Variants in CLIP2 observed in about 807,000 individuals in gnomAD.
CLIP2 encodes the protein CAP-Gly domain containing linker protein 2.
A neutral mutation model predicts 111.7 loss-of-function variants in CLIP2; 41 were observed. That is an observed-to-expected ratio of 0.37 (90% CI 0.29 to 0.48). CLIP2 has a LOEUF of 0.48. Ranked by LOEUF, CLIP2 falls within the 20% of genes least tolerant of loss-of-function variation. CLIP2 has a pLI of 0.99. For synonymous variants in CLIP2, 660 were observed against 644.2 expected, an observed-to-expected ratio of 1.02 and a Z score of -0.37; for missense variants, 1,160 against 1,422.1, an observed-to-expected ratio of 0.82 and a Z score of 2.96.
chr7:74,340,705 T>C (rs145790343), intron 3 of CLIP2, among the ~76,000 whole-genome samples: 46 of 152,212 alleles, frequency 3.0e-4, no homozygotes, highest in African/African-American at 1.1e-3. Context: ...TGTGGTGGCC[T>C]TGGGCTAACC....
At position 74,373,008 on chromosome 7, in the gene CLIP2, G is replaced by T; in HGVS notation, c.1457G>T (p.Arg486Leu). The change falls in exon 9 of 17, where the codon CGG becomes CTG. Residue 486 changes from arginine to leucine, a missense_variant. Arg to Leu is a moderately radical substitution (Grantham distance 102, BLOSUM62 -2). Transcript: ENST00000223398. Reference sequence around the variant, plus strand: ...CTACTGGAGAAGGCGCAGGCCGAGCGGCTGCTCCGAGAATTAGCGGACAAC... The same window carrying T: ...CTACTGGAGAAGGCGCAGGCCGAGCTGCTGCTCCGAGAATTAGCGGACAAC... ...SLLLEKAQAE[R>L]LLRELADNRL... The T allele has an allele frequency of 6.3e-7, 1 of 1,592,352 alleles. No homozygotes were observed. The highest frequency in any genetic ancestry group is 8.5e-7 in the Non-Finnish European group (1 of 1,171,528).
chr7:74,351,934 G>T (rs1347654589), intron 3 of CLIP2, among the ~76,000 whole-genome samples: 2 of 152,184 alleles, frequency 1.3e-5, no homozygotes, highest in African/African-American at 2.4e-5. Flanking sequence ...ACAGGAGCAA[G>T]CCCAGGACAG....
At chr7:74,398,989 T>A (rs1791538044) in intron 14 of CLIP2, among the ~76,000 whole-genome samples, 1 of 151,768 alleles carries the variant, frequency 6.6e-6, no homozygotes, top group African/African-American at 2.4e-5. Context: ...TGTCTCATCA[T>A]CTCCCTGCAC....
Position 74,353,987 on chromosome 7 carries a change from G to T in CLIP2, c.786G>T (p.Gly262=). ...ELDEPLGKND[G]AVAGTRYFQC... ...ACGAGCCCCTTGGGAAGAATGATGG[G>T]GCGGTGGCGGGCACCAGGTATGGTG... Residue 262 remains glycine (G), a synonymous_variant, in exon 4 of 17, where the codon GGG becomes GGT. Transcript: ENST00000223398. The T allele has an allele frequency of 6.2e-7, 1 of 1,612,996 alleles. No homozygotes were observed. Among genetic ancestry groups the T allele is most frequent in the South Asian group, 1.1e-5 (1 of 91,000 alleles).
At position 74,404,130 on chromosome 7, in the gene CLIP2, T is replaced by A; in HGVS notation, c.*282T>A. On this transcript the variant is annotated 3_prime_UTR_variant, in exon 17 of 17. Transcript: ENST00000223398. ...CCCGGCAGCTTCTGGAGTTTGTCAGTGGAGGCAGAGGGGATCCGGCCAGGC... is the reference window on the plus strand; with the variant it reads ...CCCGGCAGCTTCTGGAGTTTGTCAGAGGAGGCAGAGGGGATCCGGCCAGGC... The A allele has an allele frequency of 2.2e-6, 1 of 464,798 alleles. No individual in the cohort carries two copies. Among genetic ancestry groups the A allele is most frequent in the Non-Finnish European group, 4.0e-6 (1 of 250,604 alleles). The allele number at this position is 464,798 out of a possible 1,614,324, so 28.8% of individuals were successfully genotyped here. A position where few individuals can be genotyped will look rare whatever the true frequency, so the allele number is the denominator to read the frequency against.
chr7:74,401,736 C>A (rs1436856579), intron 16 of CLIP2, 169 bp downstream of exon 16: 3 of 738,290 alleles, frequency 4.1e-6, no homozygotes, highest in Non-Finnish European at 4.8e-6. Flanking sequence ...TCCAGATTCA[C>A]CCTGCTCTTT....
chr7:74,321,539 G>A (rs1235617997), intron 2 of CLIP2, among the ~76,000 whole-genome samples: 1 of 151,376 alleles, frequency 6.6e-6, no homozygotes, highest in Non-Finnish European at 1.5e-5. Context: ...GTGCGATCTC[G>A]GCTCACTGCA....
At chr7:74,383,346 T>G (rs1219023041) in intron 11 of CLIP2, among the ~76,000 whole-genome samples, 1 of 152,220 alleles carries the variant, frequency 6.6e-6, no homozygotes, top group Non-Finnish European at 1.5e-5. Flanking sequence ...TTAAATTCAC[T>G]TATGTAATTG....
chr7:74,387,876 A>T (rs1481518907), intron 12 of CLIP2, among the ~76,000 whole-genome samples: 1 of 152,172 alleles, frequency 6.6e-6, no homozygotes, highest in Non-Finnish European at 1.5e-5. Context: ...GACAACTGAG[A>T]CCAATGGTGC....
At chr7:74,322,954 C>T (rs982493614) in intron 2 of CLIP2, among the ~76,000 whole-genome samples, 1 of 152,012 alleles carries the variant, frequency 6.6e-6, no homozygotes, top group African/African-American at 2.4e-5. Flanking sequence ...TGGTCTTGAT[C>T]TTCTGACCTT....
In CLIP2 at chr7:74,359,562, A is replaced by G. The variant is rs528450278; in HGVS notation, c.1216-613A>G. On this transcript the variant is annotated intron_variant, in intron 6 of 16. Coordinates refer to ENST00000223398, the MANE Select transcript of CLIP2 (RefSeq NM_003388.5). ...AGTAGAGATGGGGTTTCACCATGTT[A>G]GCCAGGATGGTCTCAATCTCCTGAC... is the stretch of plus-strand genomic sequence containing the variant. 9.0e-4 allele frequency among the ~76,000 whole-genome samples: 136 copies of G among 151,848 alleles called. 1 individual carries two copies. Among genetic ancestry groups the G allele is most frequent in the African/African-American group, 1.6e-3 (67 of 41,428 alleles).
intron 2 of CLIP2, among the ~76,000 whole-genome samples, chr7:74,318,247 C>T (rs1166572128): frequency 1.3e-5 from 2 of 151,844 alleles, no homozygotes; most frequent in African/African-American, 2.4e-5. Flanking sequence ...AGGGAGAGAG[C>T]GTGGGGGTGG....
chr7:74,334,996 T>C (rs1789408497), intron 2 of CLIP2, among the ~76,000 whole-genome samples: 1 of 150,806 alleles, frequency 6.6e-6, no homozygotes, highest in South Asian at 2.1e-4. Context: ...AGTGAGACTC[T>C]GTCTCAAAAA....
At chr7:74,308,995 G>A (rs1369367182) in intron 1 of CLIP2, among the ~76,000 whole-genome samples, 1 of 151,948 alleles carries the variant, frequency 6.6e-6, no homozygotes, top group Non-Finnish European at 1.5e-5. Flanking sequence ...AGCCTCCCCA[G>A]TAGCTCGGAC....
At chr7:74,360,926 G>T (rs1477675021) in intron 7 of CLIP2, among the ~76,000 whole-genome samples, 1 of 152,068 alleles carries the variant, frequency 6.6e-6, no homozygotes, top group Non-Finnish European at 1.5e-5. Context: ...TAGGCTGGGG[G>T]TGGTGGAAGG....
intron 13 of CLIP2, among the ~76,000 whole-genome samples, chr7:74,393,561 C>T (rs1791356227): frequency 6.6e-6 from 1 of 151,766 alleles, no homozygotes; most frequent in African/African-American, 2.4e-5. Context: ...GTCTCGAACT[C>T]CCGACCTCAG....
At chr7:74,332,140 C>T (rs1272012789) in intron 2 of CLIP2, among the ~76,000 whole-genome samples, 2 of 151,986 alleles carry the variant, frequency 1.3e-5, no homozygotes, top group Non-Finnish European at 2.9e-5. Context: ...GTGATGCGAT[C>T]TCGGCTCACT....
chr7:74,379,291 T>G (rs1251030635), intron 10 of CLIP2, among the ~76,000 whole-genome samples: 3 of 150,556 alleles, frequency 2.0e-5, no homozygotes, highest in Non-Finnish European at 4.4e-5. Flanking sequence ...ATCGTGCCAC[T>G]GCACTCCGGC....
At chr7:74,375,864 C>G (rs571652503) in intron 9 of CLIP2, 23 bp from the exon 10 acceptor site, 13 of 1,483,484 alleles carry the variant, frequency 8.8e-6, no homozygotes, top group Non-Finnish European at 1.2e-5. Flanking sequence ...CCCGCTGATC[C>G]CTGTCTCCCT....
Sources: allele counts gnomAD v4.1 joint callset (sites outside exome capture counted in the v4.1 genomes callset), GRCh38; gene constraint gnomAD v4.1.1; transcripts MANE v1.5; gene names NCBI Gene and HGNC (gene_info 2026-07-23, HGNC 2026-07-21).